The following CSMD2 variants were observed in gnomAD, a reference collection of about 807,000 sequenced individuals.
CSMD2 encodes the protein CUB and sushi domain-containing protein 2.
Under a neutral mutation model 398.5 loss-of-function variants are expected in CSMD2, and 130 were observed. The ratio of observed to expected loss-of-function variants is 0.33; its 90% confidence interval spans 0.28 to 0.38. CSMD2 has a LOEUF of 0.38. Among genes scored for constraint, CSMD2 ranks in the 10% least tolerant of loss-of-function variants. The probability of loss-of-function intolerance (pLI) is 1.00; values close to 1 mark genes in which losing one functional copy is unlikely to be tolerated. For synonymous variants in CSMD2, 1,828 were observed against 1,908.5 expected (o/e 0.96, Z 1.10); for missense variants, 3,829 against 4,764.9 (o/e 0.80, Z 5.78).
chr1:33,974,617 G>C (rs192176143), intron 3 of CSMD2, among the ~76,000 whole-genome samples: 1 of 152,228 alleles, frequency 6.6e-6, no homozygotes, highest in Non-Finnish European at 1.5e-5. Flanking sequence ...TGGCAGAGGT[G>C]CTTTGCTTGC....
intron 1 of CSMD2, among the ~76,000 whole-genome samples, chr1:34,152,001 C>G (rs1405572433): frequency 1.3e-5 from 2 of 152,112 alleles, no homozygotes; most frequent in African/African-American, 4.8e-5. Context: ...TGCCACTATA[C>G]CCAGCTAATT....
chr1:33,946,658 G>A (rs141997330), intron 3 of CSMD2, among the ~76,000 whole-genome samples: 4,650 of 148,532 alleles, frequency 0.031, 130 homozygotes, highest in African/African-American at 0.069. Flanking sequence ...TTACTCTGTC[G>A]CCCAGGGTGG....
chr1:33,730,786 T>C (rs1382831075), intron 15 of CSMD2, among the ~76,000 whole-genome samples: 1 of 152,160 alleles, frequency 6.6e-6, no homozygotes, highest in African/African-American at 2.4e-5. Context: ...GATATGATAT[T>C]AAAGAAGTTA....
intron 5 of CSMD2, chr1:33,863,460 C>T (rs1258487298): frequency 1.3e-5 from 2 of 152,282 alleles, no homozygotes; most frequent in South Asian, 2.1e-4. Flanking sequence ...AGGTTCTCCC[C>T]CCTCTTTCGC....
intron 3 of CSMD2, among the ~76,000 whole-genome samples, chr1:34,015,351 C>G (rs1478247667): frequency 6.6e-6 from 1 of 152,226 alleles, no homozygotes; most frequent in African/African-American, 2.4e-5. Flanking sequence ...GAGCATTCCA[C>G]AGTGAGTGGT....
chr1:33,542,977 G>T, intron 57 of CSMD2, 81 bp from the exon 58 acceptor site: 1 of 1,207,362 alleles, frequency 8.3e-7, no homozygotes, highest in Non-Finnish European at 1.2e-6. Context: ...CAGAGTGGAA[G>T]CCACATGCTA....
chr1:33,805,496 CAAAAT>C (rs1248439012), intron 10 of CSMD2, among the ~76,000 whole-genome samples: 3 of 151,912 alleles, frequency 2.0e-5, no homozygotes, highest in Admixed American at 6.6e-5. Flanking sequence ...TTTAAAATGA[CAAAAT>C]AAAAATAAAA....
At chr1:33,530,764 A>T (rs1655161319) in intron 64 of CSMD2, among the ~76,000 whole-genome samples, 2 of 152,242 alleles carry the variant, frequency 1.3e-5, no homozygotes. Flanking sequence ...ATGCAGCCTT[A>T]AAAAAGAAAG....
At chr1:33,822,533 T>C (rs1489695274) in intron 7 of CSMD2, among the ~76,000 whole-genome samples, 1 of 152,164 alleles carries the variant, frequency 6.6e-6, no homozygotes, top group Non-Finnish European at 1.5e-5. Flanking sequence ...TCAAGCCAGT[T>C]ACCCCTACCC....
chr1:33,884,752 G>A (rs955254558), intron 5 of CSMD2: 2 of 152,130 alleles, frequency 1.3e-5, no homozygotes, highest in Non-Finnish European at 2.9e-5. Flanking sequence ...AATAAAATAC[G>A]AATCATCTGG....
At chr1:33,941,269 AG>A (rs1644663354) in intron 3 of CSMD2, among the ~76,000 whole-genome samples, 1 of 152,242 alleles carries the variant, frequency 6.6e-6, no homozygotes, top group African/African-American at 2.4e-5. Flanking sequence ...CTGTGGCTGA[AG>A]TGCAGCAAAA....
At chr1:33,742,851 C>T (rs889640544) in intron 14 of CSMD2, among the ~76,000 whole-genome samples, 1 of 152,162 alleles carries the variant, frequency 6.6e-6, no homozygotes, top group Admixed American at 6.5e-5. Context: ...CCGGCACGAA[C>T]TCAGAGGTCA....
chr1:33,680,610 G>A (rs1322034953), intron 25 of CSMD2, among the ~76,000 whole-genome samples: 2 of 152,126 alleles, frequency 1.3e-5, no homozygotes, highest in African/African-American at 2.4e-5. Flanking sequence ...CCTTATATCC[G>A]GTCAGCCTCT....
intron 19 of CSMD2, 68 bp from the exon 20 acceptor site, chr1:33,716,569 G>T: frequency 8.9e-7 from 1 of 1,117,928 alleles, no homozygotes; most frequent in Non-Finnish European, 1.3e-6. Flanking sequence ...TGCAAGACAG[G>T]ATCTACACAA....
At chr1:33,886,210 C>T (rs1234966924) in intron 5 of CSMD2, among the ~76,000 whole-genome samples, 2 of 152,120 alleles carry the variant, frequency 1.3e-5, no homozygotes, top group African/African-American at 2.4e-5. Flanking sequence ...CAGGAGCCAT[C>T]AAAGAGTTTT....
chr1:33,893,294 T>C (rs1642165713), intron 5 of CSMD2, among the ~76,000 whole-genome samples: 1 of 152,234 alleles, frequency 6.6e-6, no homozygotes, highest in African/African-American at 2.4e-5. Flanking sequence ...CTATTCTATC[T>C]ATTTTGCAGC....
intron 48 of CSMD2, among the ~76,000 whole-genome samples, chr1:33,578,021 G>A (rs554360935): frequency 6.6e-6 from 1 of 152,252 alleles, no homozygotes; most frequent in Non-Finnish European, 1.5e-5. Context: ...AGCTGTATAT[G>A]TAGATTGCGT....
At chr1:33,535,689 T>G (rs1655700365) in intron 62 of CSMD2, among the ~76,000 whole-genome samples, 1 of 152,198 alleles carries the variant, frequency 6.6e-6, no homozygotes. Context: ...CTTGACTACA[T>G]TTCCTTATCC....
chr1:33,811,143 C>T lies in CSMD2; in HGVS notation c.1325-279G>A, dbSNP rs536272155. Among the ~76,000 whole-genome samples the T allele has an allele frequency of 4.6e-5, 7 of 152,296 alleles. No homozygotes were observed. In the East Asian group the frequency reaches 1.2e-3, roughly 25 times the overall value. Reference sequence around the variant, plus strand: ...CACTTACCCCCACACCCCGACTCCACTATGATCATGCAATTCCTCTTTGTC... The same window carrying T: ...CACTTACCCCCACACCCCGACTCCATTATGATCATGCAATTCCTCTTTGTC... On this transcript the variant is annotated intron_variant, in intron 9 of 70. Coordinates refer to ENST00000373381, the MANE Select transcript of CSMD2 (RefSeq NM_001281956.2).
Sources: allele counts gnomAD v4.1 joint callset (sites outside exome capture counted in the v4.1 genomes callset), GRCh38; gene constraint gnomAD v4.1.1; transcripts MANE v1.5; gene names NCBI Gene and HGNC (gene_info 2026-07-23, HGNC 2026-07-21).